The following TMEM236 variants were observed in gnomAD, a reference collection of about 807,000 sequenced individuals.
TMEM236 encodes the protein transmembrane protein 236.
A neutral mutation model predicts 14.7 loss-of-function variants in TMEM236; 11 were observed. The ratio of observed to expected loss-of-function variants is 0.75; its 90% CI spans 0.47 to 1.24. The LOEUF (loss-of-function observed/expected upper bound fraction) is 1.24. TMEM236 is among the 50% of genes most tolerant of loss of function. The pLI is 0.00. For missense variants in TMEM236, 464 were observed against 427.3 expected, an observed-to-expected ratio of 1.09 and a Z score of -0.76; for synonymous variants, 182 against 168.6, an observed-to-expected ratio of 1.08 and a Z score of -0.62.
chr10:17,764,320 G>T (rs1837425123), intron 1 of TMEM236, among the ~76,000 whole-genome samples: 1 of 152,070 alleles, frequency 6.6e-6, no homozygotes, highest in South Asian at 2.1e-4. Context: ...CCCTCTCATT[G>T]CCAGTTTATT....
intron 2 of TMEM236, among the ~76,000 whole-genome samples, chr10:17,773,291 A>G (rs994643567): frequency 3.9e-5 from 6 of 152,196 alleles, no homozygotes; most frequent in African/African-American, 1.4e-4. Flanking sequence ...TAGCATCTCT[A>G]TAGAACTCAC....
chr10:17,765,148 A>T (rs1837442230), intron 1 of TMEM236, among the ~76,000 whole-genome samples: 1 of 151,970 alleles, frequency 6.6e-6, no homozygotes, highest in South Asian at 2.1e-4. Flanking sequence ...AAAGGACACC[A>T]GTCATATTGG....
rs953306960 is a variant in TMEM236, at chr10:17,796,367, G to C, written c.919G>C (p.Gly307Arg). 461 of 1,613,742 alleles carry C rather than the reference G, an allele frequency of 2.9e-4. No homozygotes were observed. The highest frequency in any genetic ancestry group is 3.7e-4 in the Non-Finnish European group (436 of 1,179,874). The change falls in exon 4 of 4, where the codon GGT becomes CGT. Residue 307 changes from glycine (G) to arginine (R), a missense_variant. Physicochemically the swap from Gly to Arg is moderately radical, Grantham distance 125. Transcript: ENST00000377495. ...TTTACCATTCGTTTTTGTTAGACTT[G>C]GTTTAATCATTGCCCTGGGGACTAT... ...QDLPFVFVRL[G>R]LIIALGTITP... is the part of the protein sequence containing the mutation.
At chr10:17,774,180 G>A (rs1361889496) in intron 2 of TMEM236, among the ~76,000 whole-genome samples, 1 of 152,052 alleles carries the variant, frequency 6.6e-6, no homozygotes, top group Non-Finnish European at 1.5e-5. Flanking sequence ...AAGTAGCTGG[G>A]ACGACAGGCA....
intron 3 of TMEM236, among the ~76,000 whole-genome samples, chr10:17,783,089 C>T (rs1837780299): frequency 6.6e-6 from 1 of 152,076 alleles, no homozygotes; most frequent in Admixed American, 6.5e-5. Context: ...AGTGAGGTGA[C>T]TGGCAAAACA....
At chr10:17,779,897 G>A (rs1280858759) in intron 3 of TMEM236, among the ~76,000 whole-genome samples, 2 of 152,158 alleles carry the variant, frequency 1.3e-5, no homozygotes, top group Non-Finnish European at 2.9e-5. Context: ...TGCTGCTGTT[G>A]CTTGTGTCTG....
In TMEM236 at chr10:17,782,407, T is replaced by TC. The variant is rs1169640504; in HGVS notation, c.472+6238dup. ...ACCTATTCTGCAACTCTTCTTTTTT[T>TC]CTTAATGTATGGTGGGCATCATTCT... On this transcript the variant is annotated intron_variant, in intron 3 of 3. Transcript: ENST00000377495. Among the ~76,000 whole-genome samples, 574 of 152,296 alleles carry TC rather than the reference T, an allele frequency of 3.8e-3. 1 individual carries two copies. Among genetic ancestry groups the TC allele is most frequent in the African/African-American group, 0.013 (540 of 41,564 alleles).
At chr10:17,754,747 T>C (rs1018871304) in intron 1 of TMEM236, among the ~76,000 whole-genome samples, 3 of 152,200 alleles carry the variant, frequency 2.0e-5, no homozygotes, top group Admixed American at 6.5e-5. Flanking sequence ...TTAATGTTAA[T>C]TTAACTAGCA....
intron 3 of TMEM236, among the ~76,000 whole-genome samples, chr10:17,794,883 C>G (rs1000233896): frequency 0.17 from 26,318 of 152,004 alleles, 2,955 homozygotes; most frequent in Non-Finnish European, 0.24. Flanking sequence ...TAAAAGTTAG[C>G]CAGGCATGGT....
chr10:17,773,721 T>C (rs1356212508), intron 2 of TMEM236, among the ~76,000 whole-genome samples: 1 of 152,234 alleles, frequency 6.6e-6, no homozygotes, highest in African/African-American at 2.4e-5. Flanking sequence ...CTCCAGTAAT[T>C]AACAATGTTG....
chr10:17,782,944 T>G (rs907024224), intron 3 of TMEM236, among the ~76,000 whole-genome samples: 2 of 152,120 alleles, frequency 1.3e-5, no homozygotes, highest in Admixed American at 6.5e-5. Flanking sequence ...GACAAGGATA[T>G]GGTTAGAATG....
At position 17,796,190 on chromosome 10, in the gene TMEM236, A is replaced by C; in HGVS notation, c.742A>C (p.Thr248Pro). 6.2e-7 allele frequency: 1 copy of C among 1,613,984 alleles called. No individual in the cohort carries two copies. The highest frequency in any genetic ancestry group is 8.5e-7 in the Non-Finnish European group (1 of 1,179,876). Residue 248 changes from threonine to proline, a missense_variant, in exon 4 of 4, where the codon ACG (threonine) becomes CCG (proline). Physicochemically the swap from Thr to Pro is conservative, Grantham distance 38. Transcript: ENST00000377495. Reference sequence around the variant, plus strand: ...ATGGAGCTTTCTCCTGTGGTCTGACACGATAGAAATGGTGCGTGTGGCTGG... The same window carrying C: ...ATGGAGCTTTCTCCTGTGGTCTGACCCGATAGAAATGGTGCGTGTGGCTGG... Reference protein sequence around the residue: ...FLWSFLLWSDTIEMVRVAGHP... With the variant: ...FLWSFLLWSDPIEMVRVAGHP...
chr10:17,789,770 C>T (rs908045836), intron 3 of TMEM236, among the ~76,000 whole-genome samples: 1 of 151,986 alleles, frequency 6.6e-6, no homozygotes, highest in African/African-American at 2.4e-5. Context: ...CGCCTGTAAT[C>T]GCAGCACTCT....
chr10:17,781,345 C>T (rs1554835407), intron 3 of TMEM236, among the ~76,000 whole-genome samples: 1 of 152,222 alleles, frequency 6.6e-6, no homozygotes. Flanking sequence ...CTTGAATCAA[C>T]AAACCTGGTG....
intron 1 of TMEM236, 127 bp from the exon 2 acceptor site, chr10:17,771,182 T>C (rs1337684107): frequency 2.3e-6 from 2 of 855,304 alleles, no homozygotes; most frequent in African/African-American, 3.3e-5. Flanking sequence ...GAAATGGAAA[T>C]AGGGAAGCAG....
chr10:17,758,119 A>C (rs1837308975), intron 1 of TMEM236, among the ~76,000 whole-genome samples: 1 of 152,172 alleles, frequency 6.6e-6, no homozygotes, highest in Non-Finnish European at 1.5e-5. Context: ...CCCAGAGTGC[A>C]TTTGGCTCTT....
chr10:17,768,279 A>G (rs1183575945), intron 1 of TMEM236, among the ~76,000 whole-genome samples: 3 of 151,974 alleles, frequency 2.0e-5, no homozygotes, highest in African/African-American at 4.8e-5. Context: ...AGGCACATAT[A>G]TTGTTATGAG....
At chr10:17,792,111 G>A (rs1837935020) in intron 3 of TMEM236, among the ~76,000 whole-genome samples, 1 of 151,334 alleles carries the variant, frequency 6.6e-6, no homozygotes, top group Non-Finnish European at 1.5e-5. Context: ...TATTTGAGAT[G>A]GAGTCTTGCT....
intron 3 of TMEM236, among the ~76,000 whole-genome samples, chr10:17,785,724 C>T (rs1554835656): frequency 6.6e-6 from 1 of 151,992 alleles, no homozygotes; most frequent in Non-Finnish European, 1.5e-5. Context: ...CTATGAGGAA[C>T]ACTGTGTCCG....
Sources: gnomAD v4.1 joint callset for allele counts (sites outside exome capture counted in the v4.1 genomes callset) on GRCh38, gnomAD v4.1.1 for gene constraint, MANE v1.5 for transcripts, NCBI Gene and HGNC (gene_info 2026-07-23, HGNC 2026-07-21) for gene names.